RPRD1A: variants seen among roughly 807,000 people sequenced by gnomAD.
RPRD1A encodes the protein regulation of nuclear pre-mRNA domain-containing protein 1A.
RPRD1A carries 9 observed loss-of-function variants against 37.8 expected under a neutral mutation model. That is an observed-to-expected ratio of 0.24 (90% CI 0.14 to 0.42). The LOEUF (loss-of-function observed/expected upper bound fraction) is 0.42. Ranked by LOEUF, RPRD1A falls within the 10% of genes least tolerant of loss-of-function variation. The pLI is 1.00. For missense variants in RPRD1A, 255 were observed against 371.0 expected (o/e 0.69, Z 2.57); for synonymous variants, 138 against 139.7 (o/e 0.99, Z 0.08).
chr18:36,028,553 A>C lies in RPRD1A; in HGVS notation c.487-1243T>G, dbSNP rs374881691. On this transcript the variant is annotated intron_variant, in intron 4 of 6. Coordinates refer to ENST00000399022, the MANE Select transcript of RPRD1A (RefSeq NM_018170.5). ...GCTTTATTGTCTTGGCAATGCATTG[A>C]TGCTTTAATTACAACCTGATCTCAT... Among the ~76,000 whole-genome samples, 25 of 152,296 alleles carry C rather than the reference A, an allele frequency of 1.6e-4. No homozygotes were observed. In the East Asian group the frequency reaches 2.3e-3, roughly 14 times the overall value.
At chr18:36,028,808 CAACTA>C (rs1484235851) in intron 4 of RPRD1A, among the ~76,000 whole-genome samples, 1 of 152,144 alleles carries the variant, frequency 6.6e-6, no homozygotes, top group Admixed American at 6.5e-5. Flanking sequence ...TTAAGCAGCA[CAACTA>C]ATCTAAAAAA....
chr18:36,000,462 T>C (rs1034882368), intron 6 of RPRD1A, among the ~76,000 whole-genome samples: 3 of 152,218 alleles, frequency 2.0e-5, no homozygotes, highest in Non-Finnish European at 4.4e-5. Context: ...GTTTCATTAA[T>C]CTTCCAGATT....
At chr18:36,010,764 C>A (rs557375927) in intron 6 of RPRD1A, among the ~76,000 whole-genome samples, 1 of 152,228 alleles carries the variant, frequency 6.6e-6, no homozygotes, top group Admixed American at 6.5e-5. Flanking sequence ...TCCAAGAAAT[C>A]ATGAAGAAGT....
intron 6 of RPRD1A, among the ~76,000 whole-genome samples, chr18:36,017,568 T>C (rs4799839): frequency 0.23 from 34,951 of 151,968 alleles, 4,020 homozygotes; most frequent in East Asian, 0.25. Context: ...TCATCTCACT[T>C]CTAAGAACTG....
At chr18:36,023,887 A>C (rs1264671185) in intron 6 of RPRD1A, among the ~76,000 whole-genome samples, 1 of 152,232 alleles carries the variant, frequency 6.6e-6, no homozygotes. Context: ...AGACAACAGT[A>C]AAGTGTAATT....
chr18:35,998,779 A>T (rs1345612068), intron 6 of RPRD1A, among the ~76,000 whole-genome samples: 3 of 152,188 alleles, frequency 2.0e-5, no homozygotes, highest in African/African-American at 7.2e-5. Flanking sequence ...AGCTGAAACT[A>T]TCTCTGCGCT....
intron 1 of RPRD1A, among the ~76,000 whole-genome samples, chr18:36,056,262 A>G (rs1448833143): frequency 6.6e-6 from 1 of 152,016 alleles, no homozygotes; most frequent in East Asian, 1.9e-4. Flanking sequence ...AAGAACCCAT[A>G]TAACATTCTT....
At chr18:36,014,239 C>G (rs1910355468) in intron 6 of RPRD1A, among the ~76,000 whole-genome samples, 1 of 152,242 alleles carries the variant, frequency 6.6e-6, no homozygotes, top group African/African-American at 2.4e-5. Flanking sequence ...ATAGAACAGA[C>G]TACTCTCAAA....
chr18:36,060,786 G>A (rs1447378524), intron 1 of RPRD1A, among the ~76,000 whole-genome samples: 1 of 151,996 alleles, frequency 6.6e-6, no homozygotes, highest in Non-Finnish European at 1.5e-5. Flanking sequence ...TTACAAATAG[G>A]AGGAAAATCT....
chr18:36,023,148 C>T (rs149404869), intron 6 of RPRD1A, among the ~76,000 whole-genome samples: 1 of 152,296 alleles, frequency 6.6e-6, no homozygotes, highest in East Asian at 1.9e-4. Context: ...ATATAGCTGC[C>T]ATAGTCATTC....
chr18:36,059,983 G>A (rs1224868987), intron 1 of RPRD1A, among the ~76,000 whole-genome samples: 1 of 152,188 alleles, frequency 6.6e-6, no homozygotes, highest in East Asian at 1.9e-4. Context: ...GAACTTAGAA[G>A]GTGCTAGCAT....
chr18:36,004,000 C>CTTTTT (rs34397005), intron 6 of RPRD1A, among the ~76,000 whole-genome samples: 119 of 85,188 alleles, frequency 1.4e-3, no homozygotes, highest in East Asian at 1.8e-3. Context: ...CAGACACAGA[C>CTTTTT]TTTTTTTTTT....
chr18:36,015,563 G>A (rs1014563005), intron 6 of RPRD1A, among the ~76,000 whole-genome samples: 3 of 152,094 alleles, frequency 2.0e-5, no homozygotes, highest in South Asian at 2.1e-4. Context: ...GCCAAGAGGT[G>A]GAAGCAACCC....
intron 1 of RPRD1A, among the ~76,000 whole-genome samples, chr18:36,051,297 C>T (rs1454040536): frequency 3.9e-5 from 6 of 152,034 alleles, no homozygotes; most frequent in Non-Finnish European, 1.5e-5. Context: ...CCATATAACC[C>T]CCTAAAAGGG....
In RPRD1A at chr18:36,033,189, C is replaced by T. The variant is rs142058594; in HGVS notation, c.281+519G>A. Among the ~76,000 whole-genome samples the T allele has an allele frequency of 1.3e-3, 201 of 150,250 alleles. 1 individual carries two copies. In the East Asian group the frequency reaches 0.034, roughly 25 times the overall value. On this transcript the variant is annotated intron_variant, in intron 2 of 6. Coordinates refer to ENST00000399022, the MANE Select transcript of RPRD1A (RefSeq NM_018170.5). ...TGGTGGCAGGCACCTGTAATTCCAG[C>T]TACTTGCGAGGCTGAAGTAGGAGAA...
intron 6 of RPRD1A, among the ~76,000 whole-genome samples, chr18:36,019,866 CCT>C (rs759007053): frequency 5.3e-5 from 8 of 152,134 alleles, no homozygotes; most frequent in Non-Finnish European, 8.8e-5. Context: ...ATGGCAAAAC[CCT>C]GTCTCTACTA....
chr18:36,046,286 C>T (rs1025883583), intron 1 of RPRD1A, among the ~76,000 whole-genome samples: 2 of 152,020 alleles, frequency 1.3e-5, no homozygotes, highest in Non-Finnish European at 1.5e-5. Flanking sequence ...AAGTAGGGAA[C>T]CTAGACTTCC....
chr18:36,040,039 C>A (rs1372441585), intron 1 of RPRD1A, among the ~76,000 whole-genome samples: 1 of 152,128 alleles, frequency 6.6e-6, no homozygotes, highest in Non-Finnish European at 1.5e-5. Flanking sequence ...TACTAGACAT[C>A]CTCATTTATT....
intron 6 of RPRD1A, among the ~76,000 whole-genome samples, chr18:36,014,270 C>CA (rs1910358450): frequency 6.6e-6 from 1 of 152,106 alleles, no homozygotes; most frequent in Admixed American, 6.6e-5. Flanking sequence ...CCCTTTACAC[C>CA]AGAAACTTCC....
Sources: gnomAD v4.1 joint callset for allele counts (sites outside exome capture counted in the v4.1 genomes callset) on GRCh38, gnomAD v4.1.1 for gene constraint, MANE v1.5 for transcripts, NCBI Gene and HGNC (gene_info 2026-07-23, HGNC 2026-07-21) for gene names.